Variants in NOB1 observed in about 807,000 individuals in gnomAD.
NOB1 encodes the protein NIN1 (RPN12) binding protein 1 homolog, also known as RNA-binding protein NOB1.
Under a neutral mutation model 44.8 loss-of-function variants are expected in NOB1, and 44 were observed. The observed-to-expected ratio is 0.98, with a 90% CI of 0.77 to 1.26. The LOEUF (loss-of-function observed/expected upper bound fraction) is 1.26, where lower values mean the gene tolerates loss of function less well. NOB1 is among the 50% of genes most tolerant of loss of function. The pLI is 0.00. For missense variants in NOB1, 560 were observed against 544.8 expected, an observed-to-expected ratio of 1.03 and a Z score of -0.28; for synonymous variants, 238 against 218.7, an observed-to-expected ratio of 1.09 and a Z score of -0.78.
rs528326594 is a variant in NOB1, at chr16:69,746,179, A to T, written c.825-1162T>A. ...GACTTCAGGGAATGAGGCTTCACAC[A>T]GGCAACGCCCCGCCCACTGGAAGAG... is the stretch of plus-strand genomic sequence containing the variant. On this transcript the variant is annotated intron_variant, in intron 7 of 8. Transcript: ENST00000268802. Among the ~76,000 whole-genome samples the T allele has an allele frequency of 9.2e-5, 14 of 152,358 alleles. No homozygotes were observed. In the South Asian group the frequency reaches 2.9e-3, roughly 32 times the overall value.
intron 8 of NOB1, among the ~76,000 whole-genome samples, chr16:69,743,701 G>A (rs2038404432): frequency 6.6e-6 from 1 of 152,112 alleles, no homozygotes; most frequent in Non-Finnish European, 1.5e-5. Context: ...GACCCCAGTC[G>A]AAAAAAGACA....
At chr16:69,748,588 T>C (rs2038453556) in intron 6 of NOB1, among the ~76,000 whole-genome samples, 1 of 152,206 alleles carries the variant, frequency 6.6e-6, no homozygotes, top group Non-Finnish European at 1.5e-5. Context: ...TTATTTTGTC[T>C]GGGCCAAATA....
chr16:69,749,714 A>C, intron 3 of NOB1, 84 bp from the exon 4 acceptor site: 26 of 1,002,082 alleles, frequency 2.6e-5, no homozygotes, highest in Non-Finnish European at 3.4e-5. Context: ...ACGATGGCTC[A>C]TGCCTGTAAT....
chr16:69,750,090 G>A (rs758560881), intron 3 of NOB1, among the ~76,000 whole-genome samples: 6 of 145,658 alleles, frequency 4.1e-5, no homozygotes, highest in South Asian at 2.2e-4. Flanking sequence ...CCTAACCTCC[G>A]ACTCCCAGGT....
chr16:69,751,883 G>A (rs953297915), intron 3 of NOB1, among the ~76,000 whole-genome samples: 1 of 152,128 alleles, frequency 6.6e-6, no homozygotes. Context: ...CCAACATGGC[G>A]AAACCCCGTC....
At chr16:69,748,123 C>A in intron 7 of NOB1, 109 bp downstream of exon 7, 2 of 747,768 alleles carry the variant, frequency 2.7e-6, no homozygotes, top group Non-Finnish European at 4.4e-6. Context: ...TGAGATTGTA[C>A]CACTGCACTC....
At position 69,752,316 on chromosome 16, in the gene NOB1, G is replaced by C; in HGVS notation, c.252C>G (p.Ile84Met). ...ACTGGTATGTGAGTGCAAGCACTTG[G>C]ATGTCCGTGGCAGAGAGGCTGGGGT... ...GDYPSLSATD[I>M]QVLALTYQLE... Residue 84 changes from isoleucine (I) to methionine (M), a missense_variant, in exon 3 of 9, where the codon ATC becomes ATG. Ile to Met is a conservative substitution (Grantham distance 10). Transcript: ENST00000268802. 1.2e-6 allele frequency: 2 copies of C among 1,613,888 alleles called. No homozygotes were observed. The highest frequency in any genetic ancestry group is 1.7e-6 in the Non-Finnish European group (2 of 1,179,926).
rs781429316 is a variant in NOB1, at chr16:69,742,362, A to T, written c.1209T>A (p.Ala403=). Residue 403 remains alanine, a synonymous_variant, in exon 9 of 9, where the codon GCT becomes GCA. Transcript: ENST00000268802. ...GAGRRRLNPN[A]SRKKFVKKR ...TTTTCTTCACAAACTTCTTTCTGGAAGCGTTGGGATTTAAGCGTCTCCGCC... is the reference window on the plus strand; with the variant it reads ...TTTTCTTCACAAACTTCTTTCTGGATGCGTTGGGATTTAAGCGTCTCCGCC... 4.0e-5 allele frequency: 65 copies of T among 1,612,328 alleles called. 1 individual carries two copies. Among genetic ancestry groups the T allele is most frequent in the Admixed American group, 1.8e-4 (11 of 59,888 alleles).
chr16:69,745,843 G>A (rs2038426322), intron 7 of NOB1, among the ~76,000 whole-genome samples: 1 of 152,236 alleles, frequency 6.6e-6, no homozygotes, highest in South Asian at 2.1e-4. Flanking sequence ...CTCATAACAA[G>A]TGTTGGGACC....
At chr16:69,752,739 G>C (rs2038493207) in intron 2 of NOB1, among the ~76,000 whole-genome samples, 1 of 152,152 alleles carries the variant, frequency 6.6e-6, no homozygotes, top group Non-Finnish European at 1.5e-5. Context: ...CAGGAGACCA[G>C]CCTGGCCAAC....
chr16:69,750,932 G>A (rs978962757), intron 3 of NOB1, among the ~76,000 whole-genome samples: 12 of 152,184 alleles, frequency 7.9e-5, no homozygotes, highest in African/African-American at 2.9e-4. Flanking sequence ...CTCTGGCTTA[G>A]AAATAGACAA....
At chr16:69,752,414 C>T in intron 2 of NOB1, 43 bp from the exon 3 acceptor site, 1 of 1,593,324 alleles carries the variant, frequency 6.3e-7, no homozygotes, top group Non-Finnish European at 8.6e-7. Context: ...GGTAAAAAGC[C>T]ATATGACCTT....
chr16:69,744,229 G>A (rs2038409433), intron 8 of NOB1, among the ~76,000 whole-genome samples: 1 of 152,192 alleles, frequency 6.6e-6, no homozygotes, highest in Non-Finnish European at 1.5e-5. Flanking sequence ...GCTGAGGCAG[G>A]AGAATCGCTT....
Position 69,748,952 on chromosome 16 carries a change from C to A in NOB1, c.692G>T (p.Arg231Leu), listed in dbSNP as rs3811348. Reference sequence around the variant, plus strand: ...GAAGTCTGTGGTCAGGCAGCCAACCCGCACGTCCTCGGGGACGTCACACTG... The same window carrying A: ...GAAGTCTGTGGTCAGGCAGCCAACCAGCACGTCCTCGGGGACGTCACACTG... Reference protein sequence around the residue: ...LEQCDVPEDVRVGCLTTDFAM... With the variant: ...LEQCDVPEDVLVGCLTTDFAM... The change falls in exon 6 of 9, where the codon CGG (arginine) becomes CTG (leucine). Residue 231 changes from arginine to leucine, a missense_variant. Transcript: ENST00000268802. 1 of 1,610,978 alleles carries A rather than the reference C, an allele frequency of 6.2e-7. No individual in the cohort carries two copies. The highest frequency in any genetic ancestry group is 1.1e-5 in the South Asian group (1 of 90,890).
chr16:69,747,368 T>A (rs1415953709), intron 7 of NOB1, among the ~76,000 whole-genome samples: 54 of 151,996 alleles, frequency 3.6e-4, no homozygotes. Flanking sequence ...TGAGACCTCG[T>A]CTCAAAGAAA....
chr16:69,745,510 A>G (rs2038423077), intron 7 of NOB1, among the ~76,000 whole-genome samples: 1 of 152,244 alleles, frequency 6.6e-6, no homozygotes, highest in African/African-American at 2.4e-5. Flanking sequence ...CTTTTCTCCA[A>G]ATGTCAGCCT....
rs144311268 is a variant in NOB1 at position 69,742,541 on chromosome 16, G to C, written c.1030C>G (p.Gln344Glu). The change falls in exon 9 of 9, where the codon CAG (glutamine) becomes GAG (glutamate). Residue 344 changes from glutamine (Q) to glutamate (E), a missense_variant. Gln to Glu is a conservative substitution (Grantham distance 29, BLOSUM62 2). Coordinates refer to ENST00000268802, the MANE Select transcript of NOB1 (RefSeq NM_014062.3). ...YAINPHLTEDQRFPQLRLSQK... is the reference protein window; with the variant it reads ...YAINPHLTEDERFPQLRLSQK... ...GAGAGTCGCAGCTGAGGGAAGCGCT[G>C]ATCCTCGGTGAGATGGGGGTTGATG... The C allele has an allele frequency of 6.2e-7, 1 of 1,614,196 alleles. No individual in the cohort carries two copies. Among genetic ancestry groups the C allele is most frequent in the Non-Finnish European group, 8.5e-7 (1 of 1,180,018 alleles).
intron 3 of NOB1, 124 bp downstream of exon 3, chr16:69,752,117 G>C (rs2038487596): frequency 1.2e-6 from 1 of 858,252 alleles, no homozygotes; most frequent in South Asian, 1.5e-5. Flanking sequence ...ATACAGACTA[G>C]CTAAGAGATA....
intron 3 of NOB1, among the ~76,000 whole-genome samples, chr16:69,751,623 G>T (rs2038483319): frequency 6.6e-6 from 1 of 152,230 alleles, no homozygotes; most frequent in Non-Finnish European, 1.5e-5. Flanking sequence ...GAATGTGAAT[G>T]TTGACTGGAT....
Sources: allele counts gnomAD v4.1 joint callset (sites outside exome capture counted in the v4.1 genomes callset), GRCh38; gene constraint gnomAD v4.1.1; transcripts MANE v1.5; gene names NCBI Gene and HGNC (gene_info 2026-07-23, HGNC 2026-07-21).